Variants in MIPOL1 observed in about 807,000 individuals in gnomAD.
The protein encoded by MIPOL1 is mirror-image polydactyly gene 1 protein.
MIPOL1 carries 57 observed loss-of-function variants against 60.9 expected under a neutral mutation model. The observed-to-expected ratio is 0.94, with a 90% confidence interval of 0.76 to 1.17. MIPOL1 has a LOEUF of 1.17. MIPOL1 is among the 50% of genes most tolerant of loss of function. The pLI is 0.00. For synonymous variants in MIPOL1, 179 were observed against 168.8 expected (o/e 1.06, Z -0.47); for missense variants, 551 against 511.6 (o/e 1.08, Z -0.74).
intron 1 of MIPOL1, among the ~76,000 whole-genome samples, chr14:37,213,918 A>G (rs753900909): frequency 6.6e-6 from 1 of 150,728 alleles, no homozygotes; most frequent in Non-Finnish European, 1.5e-5. Context: ...GTGTCATGAC[A>G]TATTTAAAGT....
At chr14:37,551,439 C>A (rs1043898868), downstream of MIPOL1, 3 of 151,876 alleles carry the variant, frequency 2.0e-5, no homozygotes, top group Non-Finnish European at 4.4e-5. Context: ...TCAATATGAA[C>A]AAATTTGTTA....
intron 12 of MIPOL1, among the ~76,000 whole-genome samples, chr14:37,512,363 A>G (rs1397302375): frequency 6.6e-6 from 1 of 152,130 alleles, no homozygotes; most frequent in Non-Finnish European, 1.5e-5. Context: ...GCATAGAGCA[A>G]ACATACTTCC....
chr14:37,314,735 A>G (rs561402645), intron 9 of MIPOL1, among the ~76,000 whole-genome samples: 8 of 152,244 alleles, frequency 5.3e-5, no homozygotes, highest in East Asian at 1.9e-4. Flanking sequence ...CTTTCCTACT[A>G]TCATGAACTT....
chr14:37,343,146 A>G (rs2090700954), intron 9 of MIPOL1, among the ~76,000 whole-genome samples: 1 of 151,862 alleles, frequency 6.6e-6, no homozygotes, highest in Non-Finnish European at 1.5e-5. Flanking sequence ...ACACACATAC[A>G]TATCAGCTGT....
intron 12 of MIPOL1, among the ~76,000 whole-genome samples, chr14:37,515,356 CA>C (rs1420149477): frequency 6.7e-6 from 1 of 149,986 alleles, no homozygotes; most frequent in Non-Finnish European, 1.5e-5. Context: ...GAAGACTGAC[CA>C]AAAGTGACAA....
At position 37,357,828 on chromosome 14, in the gene MIPOL1, AT is replaced by A. The variant is rs200246583; in HGVS notation, c.829-11682del. Among the ~76,000 whole-genome samples the A allele has an allele frequency of 6.0e-3, 906 of 149,848 alleles. 13 individuals carry two copies. Among genetic ancestry groups the A allele is most frequent in the African/African-American group, 0.02 (833 of 40,764 alleles). Reference sequence around the variant, plus strand: ...GCTTGTGGGGTATTGCTCAAGAAATATTTTTTTCTTTTTTTGTTTTTTTAAT... The same window carrying A: ...GCTTGTGGGGTATTGCTCAAGAAATATTTTTTCTTTTTTTGTTTTTTTAAT... On this transcript the variant is annotated intron_variant, in intron 9 of 12. Transcript: ENST00000684589.
downstream of MIPOL1, chr14:37,552,182 G>A (rs1452965671): frequency 3.9e-5 from 6 of 152,042 alleles, no homozygotes; most frequent in East Asian, 5.8e-4. Flanking sequence ...ATAAACTGGT[G>A]TTATCTAAAC....
intron 9 of MIPOL1, among the ~76,000 whole-genome samples, chr14:37,350,455 AT>A (rs1203789909): frequency 6.7e-6 from 1 of 148,232 alleles, no homozygotes; most frequent in East Asian, 2.0e-4. Flanking sequence ...ATTTTTTTTA[AT>A]TTTTAATTTT....
intron 7 of MIPOL1, among the ~76,000 whole-genome samples, chr14:37,302,674 C>G (rs943577429): frequency 6.7e-6 from 1 of 150,346 alleles, no homozygotes; most frequent in African/African-American, 2.4e-5. Flanking sequence ...TATATTCTAC[C>G]ACCATTTGTT....
chr14:37,294,131 C>A (rs2085380724), intron 7 of MIPOL1, among the ~76,000 whole-genome samples: 1 of 152,166 alleles, frequency 6.6e-6, no homozygotes, highest in Admixed American at 6.5e-5. Flanking sequence ...AACGATCAGG[C>A]AGCAGCATTT....
At chr14:37,478,153 T>G (rs75709670) in intron 11 of MIPOL1, among the ~76,000 whole-genome samples, 3,742 of 152,258 alleles carry the variant, frequency 0.025, 164 homozygotes, top group African/African-American at 0.085. Context: ...CCATTGAAAT[T>G]CCGTGCTTAA....
At chr14:37,545,281 A>C (rs533894395) in intron 12 of MIPOL1, among the ~76,000 whole-genome samples, 3 of 152,206 alleles carry the variant, frequency 2.0e-5, no homozygotes, top group African/African-American at 7.2e-5. Context: ...TCTATAATTC[A>C]TACTCACATT....
At chr14:37,308,625 T>TAA in intron 9 of MIPOL1, 106 bp downstream of exon 9, 1 of 704,948 alleles carries the variant, frequency 1.4e-6, no homozygotes, top group Non-Finnish European at 2.1e-6. Context: ...TCACATTAAT[T>TAA]TTTAGCACAT....
At chr14:37,477,264 C>T (rs984082210) in intron 11 of MIPOL1, among the ~76,000 whole-genome samples, 1 of 151,798 alleles carries the variant, frequency 6.6e-6, no homozygotes, top group Non-Finnish European at 1.5e-5. Flanking sequence ...GGCGTTTCCT[C>T]TGCTTGTATT....
intron 3 of MIPOL1, among the ~76,000 whole-genome samples, chr14:37,250,691 T>G (rs2153362249): frequency 6.6e-6 from 1 of 152,322 alleles, no homozygotes; most frequent in East Asian, 1.9e-4. Flanking sequence ...AAATCACAAA[T>G]TGCTTCAAAG....
At chr14:37,263,587 G>A (rs1019750233) in intron 3 of MIPOL1, among the ~76,000 whole-genome samples, 4 of 152,184 alleles carry the variant, frequency 2.6e-5, no homozygotes, top group African/African-American at 9.6e-5. Flanking sequence ...AGCAAATGAA[G>A]AGATTGATAG....
chr14:37,205,372 G>A (rs1965920234), intron 1 of MIPOL1, among the ~76,000 whole-genome samples: 1 of 152,064 alleles, frequency 6.6e-6, no homozygotes, highest in Admixed American at 6.5e-5. Flanking sequence ...CCAAAGTGCA[G>A]GGATTACAGG....
chr14:37,541,039 C>T (rs539763045), intron 12 of MIPOL1, among the ~76,000 whole-genome samples: 1 of 152,318 alleles, frequency 6.6e-6, no homozygotes, highest in African/African-American at 2.4e-5. Flanking sequence ...TTCATGCTGA[C>T]AAACTTCAAT....
At chr14:37,233,018 A>G (rs1003084018) in intron 1 of MIPOL1, among the ~76,000 whole-genome samples, 2 of 152,224 alleles carry the variant, frequency 1.3e-5, no homozygotes, top group Non-Finnish European at 2.9e-5. Flanking sequence ...CATCCACTCC[A>G]TGCATGTATG....
Sources: allele counts gnomAD v4.1 joint callset (sites outside exome capture counted in the v4.1 genomes callset), GRCh38; gene constraint gnomAD v4.1.1; transcripts MANE v1.5; gene names NCBI Gene and HGNC (gene_info 2026-07-23, HGNC 2026-07-21).